RTCA: variants seen among roughly 807,000 people sequenced by gnomAD.
RTCA encodes RNA terminal phosphate cyclase domain 1.
A neutral mutation model predicts 46.1 loss-of-function variants in RTCA; 37 were observed. The ratio of observed to expected loss-of-function variants is 0.80; its 90% CI spans 0.62 to 1.06. The LOEUF is 1.06. Ranked by LOEUF, RTCA falls within the 50% of genes least tolerant of loss-of-function variation. The probability of loss-of-function intolerance (pLI) is 0.00; values close to 1 mark genes in which losing one functional copy is unlikely to be tolerated. For synonymous variants in RTCA, 164 were observed against 158.3 expected (o/e 1.04, Z -0.27); for missense variants, 435 against 455.5 (o/e 0.95, Z 0.41).
rs1047461417 is a variant in RTCA at position 100,266,530 on chromosome 1, C to G, written c.52C>G (p.Gln18Glu). 2.5e-6 allele frequency: 4 copies of G among 1,612,976 alleles called. No homozygotes were observed. The highest frequency in any genetic ancestry group is 1.3e-5 in the African/African-American group (1 of 74,932). ...TGTACCCCAACCTTTGCAGGGCGGC[C>G]AGATCCTGAGAGTCTCTACGGCCTT... Reference protein sequence around the residue: ...VDGSIMEGGGQILRVSTALSC... With the variant: ...VDGSIMEGGGEILRVSTALSC... The change falls in exon 2 of 11, where the codon CAG (glutamine) becomes GAG (glutamate). Residue 18 changes from glutamine (Q) to glutamate (E), a missense_variant. Gln to Glu is a conservative substitution (Grantham distance 29, BLOSUM62 2). Coordinates refer to ENST00000370128, the MANE Select transcript of RTCA (RefSeq NM_003729.4).
At chr1:100,280,802 G>A (rs1666666588) in intron 8 of RTCA, among the ~76,000 whole-genome samples, 1 of 152,144 alleles carries the variant, frequency 6.6e-6, no homozygotes, top group Non-Finnish European at 1.5e-5. Flanking sequence ...AAGTGTTCAA[G>A]ACCAATCTGG....
intron 2 of RTCA, 49 bp downstream of exon 2, chr1:100,266,673 G>A (rs1179159631): frequency 1.3e-6 from 2 of 1,495,298 alleles, no homozygotes; most frequent in South Asian, 1.2e-5. Context: ...GGGGATCGGG[G>A]GGTCGGGCTG....
chr1:100,267,259 A>T, intron 2 of RTCA: 2 of 420,558 alleles, frequency 4.8e-6, no homozygotes, highest in South Asian at 7.7e-5. Flanking sequence ...TGTATTCTGT[A>T]TTTATTACAT....
chr1:100,266,872 A>G (rs1210085770), intron 2 of RTCA: 1 of 516,916 alleles, frequency 1.9e-6, no homozygotes, highest in Non-Finnish European at 3.5e-6. Flanking sequence ...TTTGCTGAAG[A>G]GCTAGCTTTT....
At chr1:100,271,672 C>CT (rs1666104326) in intron 4 of RTCA, among the ~76,000 whole-genome samples, 1 of 151,944 alleles carries the variant, frequency 6.6e-6, no homozygotes, top group African/African-American at 2.4e-5. Context: ...GTGGTATAAT[C>CT]TTTTTTCTTC....
At chr1:100,269,024 T>C (rs1445859519) in intron 3 of RTCA, among the ~76,000 whole-genome samples, 1 of 148,048 alleles carries the variant, frequency 6.8e-6, no homozygotes, top group East Asian at 2.0e-4. Flanking sequence ...CCCCGTCATA[T>C]ATATATATTT....
At chr1:100,289,766 G>C (rs936331652) in intron 10 of RTCA, among the ~76,000 whole-genome samples, 1 of 152,124 alleles carries the variant, frequency 6.6e-6, no homozygotes, top group Non-Finnish European at 1.5e-5. Flanking sequence ...TGTATAGCTT[G>C]TATCTTGGTC....
At chr1:100,290,777 A>G (rs1667302250) in intron 10 of RTCA, among the ~76,000 whole-genome samples, 1 of 152,188 alleles carries the variant, frequency 6.6e-6, no homozygotes. Flanking sequence ...AAAACAGAAC[A>G]AAAACAAAAG....
intron 6 of RTCA, 94 bp downstream of exon 6, chr1:100,275,059 A>AT (rs1557975549): frequency 1.6e-6 from 2 of 1,267,408 alleles, no homozygotes; most frequent in Middle Eastern, 2.4e-4. Flanking sequence ...AGAACTTAAC[A>AT]TTTTTTTAAG....
chr1:100,283,321 C>A (rs1369025367), intron 8 of RTCA, among the ~76,000 whole-genome samples: 1 of 152,020 alleles, frequency 6.6e-6, no homozygotes, highest in Admixed American at 6.5e-5. Context: ...CAATCGCACA[C>A]AACCATGCCT....
At chr1:100,291,363 C>T in intron 10 of RTCA, 40 bp from the exon 11 acceptor site, 2 of 1,341,538 alleles carry the variant, frequency 1.5e-6, no homozygotes, top group Non-Finnish European at 2.1e-6. Flanking sequence ...TTTCCTCCAT[C>T]TCTCTTCGTA....
At chr1:100,269,303 G>A (rs1260782532) in intron 3 of RTCA, among the ~76,000 whole-genome samples, 2 of 151,478 alleles carry the variant, frequency 1.3e-5, no homozygotes, top group Admixed American at 1.3e-4. Flanking sequence ...GGACCAAACA[G>A]GCAAGTAAAG....
At chr1:100,274,200 A>G (rs188150443) in intron 5 of RTCA, among the ~76,000 whole-genome samples, 18 of 152,242 alleles carry the variant, frequency 1.2e-4, no homozygotes, top group Non-Finnish European at 2.6e-4. Context: ...CCTGACCTGT[A>G]TTCTAGTAGA....
intron 2 of RTCA, 116 bp from the exon 3 acceptor site, chr1:100,268,023 AAGATGTGGCACTT>A: frequency 7.5e-7 from 1 of 1,328,604 alleles, no homozygotes; most frequent in Non-Finnish European, 1.0e-6. Flanking sequence ...GCTGACACTG[AAGATGTGGCACTT>A]ACTGTGGTTA....
intron 5 of RTCA, among the ~76,000 whole-genome samples, chr1:100,273,776 G>C (rs1352259321): frequency 6.6e-6 from 1 of 152,102 alleles, no homozygotes; most frequent in African/African-American, 2.4e-5. Context: ...AGACACTAAG[G>C]GGTCATAAAA....
At chr1:100,283,937 AAAAAAAAAAAAAGAAAAAAC>A (rs1666874830) in intron 8 of RTCA, among the ~76,000 whole-genome samples, 1 of 140,310 alleles carries the variant, frequency 7.1e-6, no homozygotes, top group Admixed American at 7.3e-5. Flanking sequence ...AAAAAAAAGA[AAAAAAAAAAAAAGAAAAAAC>A]AAGAAAAAAC....
intron 8 of RTCA, among the ~76,000 whole-genome samples, chr1:100,280,807 A>G (rs1666666677): frequency 6.6e-6 from 1 of 152,146 alleles, no homozygotes; most frequent in African/African-American, 2.4e-5. Flanking sequence ...TTCAAGACCA[A>G]TCTGGGCAAC....
intron 9 of RTCA, among the ~76,000 whole-genome samples, chr1:100,286,454 CAAAA>C (rs754851046): frequency 4.4e-5 from 2 of 45,354 alleles, no homozygotes; most frequent in East Asian, 6.8e-4. Flanking sequence ...GACTCCGTCT[CAAAA>C]AAAAAAAAAA....
intron 6 of RTCA, 50 bp from the exon 7 acceptor site, chr1:100,275,549 C>G (rs756882559): frequency 2.1e-6 from 3 of 1,453,454 alleles, no homozygotes; most frequent in African/African-American, 1.4e-5. Context: ...AAACAATTTT[C>G]CAAATAATCA....
Sources: gnomAD v4.1 joint callset for allele counts (sites outside exome capture counted in the v4.1 genomes callset) on GRCh38, gnomAD v4.1.1 for gene constraint, MANE v1.5 for transcripts, NCBI Gene and HGNC (gene_info 2026-07-23, HGNC 2026-07-21) for gene names.